The following FNTA variants were observed in gnomAD, a reference collection of about 807,000 sequenced individuals.
FNTA encodes protein farnesyltransferase/geranylgeranyltransferase type-1 subunit alpha.
In FNTA, 27 loss-of-function variants were observed where a neutral mutation model predicts 55.2. That is an observed-to-expected ratio of 0.49 (90% confidence interval 0.36 to 0.67). The LOEUF (loss-of-function observed/expected upper bound fraction) is 0.67. Ranked by LOEUF, FNTA falls within the 30% of genes least tolerant of loss-of-function variation. The probability of loss-of-function intolerance (pLI) is 0.00; values close to 1 mark genes in which losing one functional copy is unlikely to be tolerated. For missense variants in FNTA, 422 were observed against 464.7 expected, an observed-to-expected ratio of 0.91 and a Z score of 0.85; for synonymous variants, 176 against 170.7, an observed-to-expected ratio of 1.03 and a Z score of -0.24.
chr8:43,062,462 A>G (rs969682487), intron 2 of FNTA, among the ~76,000 whole-genome samples: 4 of 151,818 alleles, frequency 2.6e-5, no homozygotes, highest in African/African-American at 4.8e-5. Context: ...TTGTATTTTT[A>G]GTAGAGATGG....
intron 5 of FNTA, chr8:43,073,699 G>A (rs1332315240): frequency 6.6e-6 from 1 of 152,028 alleles, no homozygotes; most frequent in Non-Finnish European, 1.5e-5. Flanking sequence ...TGGTTCTCAA[G>A]CAGCAGTGAT....
At chr8:43,069,851 C>T (rs891392654) in intron 4 of FNTA, among the ~76,000 whole-genome samples, 192 bp downstream of exon 4, 3 of 150,652 alleles carry the variant, frequency 2.0e-5, no homozygotes, top group Admixed American at 1.3e-4. Flanking sequence ...GCCATGTTGG[C>T]CAGGCTGGTC....
chr8:43,081,340 G>C (rs1403277111), intron 6 of FNTA: 2 of 152,130 alleles, frequency 1.3e-5, no homozygotes, highest in Non-Finnish European at 2.9e-5. Flanking sequence ...TTCAGTTAAT[G>C]TGTCATGGCC....
intron 2 of FNTA, chr8:43,063,164 T>C (rs1810574947): frequency 2.3e-6 from 1 of 433,114 alleles, no homozygotes; most frequent in Non-Finnish European, 4.6e-6. Flanking sequence ...CACTGCAGCC[T>C]TGACCTCCCA....
chr8:43,074,554 C>T (rs1444718373), intron 5 of FNTA, among the ~76,000 whole-genome samples: 4 of 149,150 alleles, frequency 2.7e-5, no homozygotes, highest in Non-Finnish European at 6.0e-5. Context: ...GTGAAATACA[C>T]ACACACACAC....
chr8:43,059,749 A>G lies in FNTA; in HGVS notation c.286+572A>G, dbSNP rs923661817. On this transcript the variant is annotated intron_variant, in intron 2 of 8. Coordinates refer to ENST00000302279, the MANE Select transcript of FNTA (RefSeq NM_002027.3). The stretch of plus-strand genomic sequence containing the variant: ...AATGGAATGATAGTTTTGTAATTTT[A>G]TGTATATATATTTCTTTCAGTTAAG... Among the ~76,000 whole-genome samples, 7 of 152,306 alleles carry G rather than the reference A, an allele frequency of 4.6e-5. No individual in the cohort carries two copies. The East Asian group carries it at 1.2e-3, about 25-fold the overall frequency.
At chr8:43,060,496 G>A (rs1367778102) in intron 2 of FNTA, among the ~76,000 whole-genome samples, 1 of 152,094 alleles carries the variant, frequency 6.6e-6, no homozygotes, top group Non-Finnish European at 1.5e-5. Context: ...CCAACGTGGC[G>A]AAACCCTGTC....
At chr8:43,056,996 G>A (rs1472720552) in intron 1 of FNTA, 1 of 152,252 alleles carries the variant, frequency 6.6e-6, no homozygotes, top group African/African-American at 2.4e-5. Context: ...GAAGTGTGAG[G>A]GCTTCCAGTG....
At chr8:43,074,359 CA>C (rs1217768272) in intron 5 of FNTA, among the ~76,000 whole-genome samples, 1 of 151,676 alleles carries the variant, frequency 6.6e-6, no homozygotes, top group Non-Finnish European at 1.5e-5. Context: ...CCCGTCTCTA[CA>C]AAAAATACAA....
intron 2 of FNTA, among the ~76,000 whole-genome samples, chr8:43,059,927 AT>A (rs1810493127): frequency 6.6e-6 from 1 of 152,208 alleles, no homozygotes; most frequent in Non-Finnish European, 1.5e-5. Flanking sequence ...ACAGAAGTAG[AT>A]TTGTAAAGAC....
intron 6 of FNTA, chr8:43,078,702 C>CT (rs1210398927): frequency 6.6e-6 from 1 of 152,198 alleles, no homozygotes. Flanking sequence ...ACAGTGTCCT[C>CT]TGAGTGTTCA....
chr8:43,072,087 G>A, intron 4 of FNTA, 94 bp from the exon 5 acceptor site: 1 of 948,362 alleles, frequency 1.1e-6, no homozygotes, highest in Non-Finnish European at 1.5e-6. Flanking sequence ...TGTTTATTGT[G>A]TGTCCTTTCA....
At chr8:43,071,130 T>G (rs1810780545) in intron 4 of FNTA, among the ~76,000 whole-genome samples, 1 of 152,198 alleles carries the variant, frequency 6.6e-6, no homozygotes, top group South Asian at 2.1e-4. Context: ...CTGCTCACTT[T>G]TAGTTGAATG....
chr8:43,072,347 T>G, intron 5 of FNTA, 40 bp downstream of exon 5: 1 of 1,429,886 alleles, frequency 7.0e-7, no homozygotes, highest in Admixed American at 2.5e-5. Flanking sequence ...GATTTTTTTT[T>G]TAACTGAACT....
At chr8:43,085,049 T>A in intron 8 of FNTA, 111 bp from the exon 9 acceptor site, 1 of 1,148,190 alleles carries the variant, frequency 8.7e-7, no homozygotes, top group Non-Finnish European at 1.2e-6. Flanking sequence ...CGGTGACTCT[T>A]AATAGTGTGT....
chr8:43,071,445 C>T (rs1259904283), intron 4 of FNTA, among the ~76,000 whole-genome samples: 3 of 151,832 alleles, frequency 2.0e-5, no homozygotes, highest in Admixed American at 6.6e-5. Context: ...CTGAGGTGGG[C>T]GGATCACCTG....
At chr8:43,076,204 C>T (rs1174804628) in intron 5 of FNTA, among the ~76,000 whole-genome samples, 6 of 151,966 alleles carry the variant, frequency 3.9e-5, no homozygotes, top group East Asian at 1.9e-4. Flanking sequence ...TCATCACACC[C>T]GGCTAATTTT....
At chr8:43,062,997 G>A (rs1392345670) in intron 2 of FNTA, among the ~76,000 whole-genome samples, 4 of 151,844 alleles carry the variant, frequency 2.6e-5, no homozygotes, top group Non-Finnish European at 5.9e-5. Flanking sequence ...TACCCAGCGT[G>A]GTCTCAAACT....
At position 43,084,805 on chromosome 8, in the gene FNTA, T is replaced by C; in HGVS notation, c.941T>C (p.Phe314Ser). 6.2e-7 allele frequency: 1 copy of C among 1,613,882 alleles called. No individual in the cohort carries two copies. Among genetic ancestry groups the C allele is most frequent in the Non-Finnish European group, 8.5e-7 (1 of 1,179,796 alleles). Reference sequence around the variant, plus strand: ...CATAGTTCCCCCTACCTAATTGCCTTTCTTGTGGATATCTATGAAGACATG... The same window carrying C: ...CATAGTTCCCCCTACCTAATTGCCTCTCTTGTGGATATCTATGAAGACATG... ...PSHSSPYLIA[F>S]LVDIYEDMLE... is the part of the protein sequence containing the mutation. The change falls in exon 8 of 9, where the codon TTT (phenylalanine) becomes TCT (serine). Residue 314 changes from phenylalanine (F) to serine (S), a missense_variant. Phe to Ser is a radical substitution (Grantham distance 155). Coordinates refer to ENST00000302279, the MANE Select transcript of FNTA (RefSeq NM_002027.3).
Sources: allele counts gnomAD v4.1 joint callset (sites outside exome capture counted in the v4.1 genomes callset), GRCh38; gene constraint gnomAD v4.1.1; transcripts MANE v1.5; gene names NCBI Gene and HGNC (gene_info 2026-07-23, HGNC 2026-07-21).